PKNOX2: variants seen among roughly 807,000 people sequenced by gnomAD.
PKNOX2 encodes the protein homeobox protein PKNOX2.
Under a neutral mutation model 53.1 loss-of-function variants are expected in PKNOX2, and 14 were observed. The observed-to-expected ratio is 0.26, with a 90% CI of 0.17 to 0.41. PKNOX2 has a LOEUF of 0.41. PKNOX2 is among the 10% of genes least tolerant of loss of function. The pLI, the probability that PKNOX2 is intolerant of heterozygous loss-of-function variation, is 1.00. For missense variants in PKNOX2, 496 were observed against 602.8 expected, an observed-to-expected ratio of 0.82 and a Z score of 1.85; for synonymous variants, 257 against 242.8, an observed-to-expected ratio of 1.06 and a Z score of -0.54.
chr11:125,301,225 C>A (rs1948041727), intron 2 of PKNOX2, among the ~76,000 whole-genome samples: 1 of 152,088 alleles, frequency 6.6e-6, no homozygotes, highest in African/African-American at 2.4e-5. Context: ...GGACTCCAGG[C>A]AGTAGGGACA....
chr11:125,254,240 C>T (rs1193612936), intron 2 of PKNOX2, among the ~76,000 whole-genome samples: 1 of 152,226 alleles, frequency 6.6e-6, no homozygotes, highest in African/African-American at 2.4e-5. Context: ...AGTGTAAAAA[C>T]TCACCAGTGG....
intron 1 of PKNOX2, among the ~76,000 whole-genome samples, chr11:125,224,322 G>C (rs534487509): frequency 7.9e-5 from 12 of 152,356 alleles, no homozygotes; most frequent in Middle Eastern, 3.4e-3. Context: ...AGATTGTTCA[G>C]GGTAGTTACT....
At chr11:125,176,697 T>G (rs1955731076) in intron 1 of PKNOX2, among the ~76,000 whole-genome samples, 1 of 152,208 alleles carries the variant, frequency 6.6e-6, no homozygotes, top group African/African-American at 2.4e-5. Flanking sequence ...TGGGGCCCTT[T>G]CTGGGGAGAG....
At chr11:125,208,749 C>G (rs992864485) in intron 1 of PKNOX2, among the ~76,000 whole-genome samples, 7 of 151,072 alleles carry the variant, frequency 4.6e-5, no homozygotes, top group African/African-American at 1.7e-4. Context: ...AAGATTCATA[C>G]AGCTTGGGTG....
intron 3 of PKNOX2, among the ~76,000 whole-genome samples, chr11:125,350,541 G>A (rs1024513368): frequency 1.3e-5 from 2 of 152,174 alleles, no homozygotes; most frequent in East Asian, 1.9e-4. Flanking sequence ...TCCGGTGACC[G>A]TACTGAACCA....
Position 125,367,957 on chromosome 11 carries a change from C to G in PKNOX2, c.199C>G (p.Leu67Val), listed in dbSNP as rs1283152068. The G allele has an allele frequency of 2.5e-6, 4 of 1,613,242 alleles. No homozygotes were observed. The highest frequency in any genetic ancestry group is 3.4e-6 in the Non-Finnish European group (4 of 1,179,590). ...TGCCCCCATCGACCCCCAGGCCCAGCTGGAGGCTGACAAGCGAGCTGTATA... is the reference window on the plus strand; with the variant it reads ...TGCCCCCATCGACCCCCAGGCCCAGGTGGAGGCTGACAAGCGAGCTGTATA... ...PSAPIDPQAQ[L>V]EADKRAVYRH... Residue 67 changes from leucine to valine, a missense_variant, in exon 5 of 13, where the codon CTG becomes GTG. Physicochemically the swap from Leu to Val is conservative, Grantham distance 32 (BLOSUM62 1). Coordinates refer to ENST00000298282, the MANE Select transcript of PKNOX2 (RefSeq NM_001382323.2).
In PKNOX2 at chr11:125,167,142, C is replaced by T. The variant is rs1214833670; in HGVS notation, c.-201+2366C>T. Among the ~76,000 whole-genome samples the T allele has an allele frequency of 2.9e-5, 4 of 137,218 alleles. No homozygotes were observed. The Admixed American group carries it at 3.1e-4, about 11-fold the overall frequency. 90.0% of individuals were successfully genotyped at this position (137,218 alleles called of 152,430 possible). On this transcript the variant is annotated intron_variant, in intron 1 of 12. Transcript: ENST00000298282. ...TGGGGTGTGGGGTGGGAAGGGGTCCCGACCAGGGAGGTAGGTTATTCTCTG... is the reference window on the plus strand; with the variant it reads ...TGGGGTGTGGGGTGGGAAGGGGTCCTGACCAGGGAGGTAGGTTATTCTCTG...
chr11:125,264,621 T>C (rs1054047811), intron 2 of PKNOX2, among the ~76,000 whole-genome samples: 2 of 152,060 alleles, frequency 1.3e-5, no homozygotes, highest in African/African-American at 4.8e-5. Flanking sequence ...GATCTTCTAC[T>C]CTGTGAAATT....
chr11:125,336,820 CAT>C (rs1241886382), intron 3 of PKNOX2, among the ~76,000 whole-genome samples: 5 of 146,102 alleles, frequency 3.4e-5, no homozygotes, highest in Admixed American at 6.9e-5. Context: ...TTTAAAATCA[CAT>C]ATAATAGTAT....
chr11:125,170,344 T>G (rs1166874494), intron 1 of PKNOX2, among the ~76,000 whole-genome samples: 1 of 152,206 alleles, frequency 6.6e-6, no homozygotes, highest in African/African-American at 2.4e-5. Flanking sequence ...GGGGTAATTT[T>G]TCCTCCTCAT....
intron 1 of PKNOX2, among the ~76,000 whole-genome samples, chr11:125,190,250 CA>C (rs1392090345): frequency 2.0e-5 from 3 of 152,170 alleles, no homozygotes; most frequent in African/African-American, 7.2e-5. Flanking sequence ...AAAAGTGTCT[CA>C]ATTTGGGCAA....
chr11:125,383,894 A>T (rs840029), intron 5 of PKNOX2, among the ~76,000 whole-genome samples: 3 of 151,902 alleles, frequency 2.0e-5, no homozygotes, highest in Non-Finnish European at 4.4e-5. Context: ...CAAGTCCAAC[A>T]CACATTCCTC....
chr11:125,234,008 G>T (rs975365644), intron 1 of PKNOX2, among the ~76,000 whole-genome samples: 1 of 152,206 alleles, frequency 6.6e-6, no homozygotes, highest in African/African-American at 2.4e-5. Context: ...AGGCAGACCA[G>T]TCTCTGCGTC....
chr11:125,246,360 C>G (rs1349279119), intron 2 of PKNOX2, among the ~76,000 whole-genome samples: 1 of 152,236 alleles, frequency 6.6e-6, no homozygotes, highest in Non-Finnish European at 1.5e-5. Flanking sequence ...AAAGGTGGCA[C>G]ACTCATGACC....
At chr11:125,180,407 G>C (rs191213101) in intron 1 of PKNOX2, among the ~76,000 whole-genome samples, 2 of 152,218 alleles carry the variant, frequency 1.3e-5, no homozygotes, top group Non-Finnish European at 2.9e-5. Context: ...GGGGAGAGCT[G>C]TTTGTTGGTG....
intron 10 of PKNOX2, among the ~76,000 whole-genome samples, chr11:125,414,698 A>G (rs1248567416): frequency 1.3e-5 from 2 of 152,050 alleles, no homozygotes; most frequent in Non-Finnish European, 2.9e-5. Context: ...CGAGGCATGA[A>G]TTGAGGCTCT....
intron 1 of PKNOX2, among the ~76,000 whole-genome samples, chr11:125,223,650 C>A (rs1318362518): frequency 6.6e-6 from 1 of 152,224 alleles, no homozygotes; most frequent in Non-Finnish European, 1.5e-5. Context: ...TCCTTTTGAA[C>A]AAGGTTCATA....
At chr11:125,318,180 C>T (rs376615147) in intron 2 of PKNOX2, among the ~76,000 whole-genome samples, 14 of 152,224 alleles carry the variant, frequency 9.2e-5, no homozygotes, top group Middle Eastern at 3.4e-3. Context: ...AATCTCGACT[C>T]ACTGCAACTT....
intron 6 of PKNOX2, among the ~76,000 whole-genome samples, chr11:125,387,386 G>A (rs1432816405): frequency 1.3e-5 from 2 of 152,144 alleles, no homozygotes; most frequent in East Asian, 3.9e-4. Context: ...ACCTTCTTAA[G>A]AGGGAGGAGT....
Sources: allele counts gnomAD v4.1 joint callset (sites outside exome capture counted in the v4.1 genomes callset), GRCh38; gene constraint gnomAD v4.1.1; transcripts MANE v1.5; gene names NCBI Gene and HGNC (gene_info 2026-07-23, HGNC 2026-07-21).